Variants in GTPBP10 observed in about 807,000 individuals in gnomAD.
GTPBP10 encodes GTP-binding protein 10.
A neutral mutation model predicts 44.8 loss-of-function variants in GTPBP10; 38 were observed. That is an observed-to-expected ratio of 0.85 (90% CI 0.65 to 1.11). The LOEUF is 1.11. Among genes scored for constraint, GTPBP10 ranks in the 50% most tolerant of loss-of-function variants. The pLI is 0.00. For synonymous variants in GTPBP10, 152 were observed against 150.6 expected, an observed-to-expected ratio of 1.01 and a Z score of -0.07; for missense variants, 462 against 453.7, an observed-to-expected ratio of 1.02 and a Z score of -0.17.
intron 3 of GTPBP10, 27 bp downstream of exon 3, chr7:90,354,576 G>T (rs191107651): frequency 8.5e-7 from 1 of 1,173,076 alleles, no homozygotes; most frequent in Admixed American, 2.6e-5. Context: ...TCCAAAAGTT[G>T]TAAAAATGTG....
At chr7:90,355,252 AT>A in intron 4 of GTPBP10, 22 bp downstream of exon 4, 1 of 1,414,606 alleles carries the variant, frequency 7.1e-7, no homozygotes, top group Non-Finnish European at 9.5e-7. Flanking sequence ...TCATATTTTT[AT>A]TATTATACTT....
At chr7:90,363,741 G>C (rs1796075105) in intron 4 of GTPBP10, among the ~76,000 whole-genome samples, 1 of 152,152 alleles carries the variant, frequency 6.6e-6, no homozygotes, top group African/African-American at 2.4e-5. Context: ...TTCTGACTTG[G>C]TTCCATTCTC....
In GTPBP10 at chr7:90,389,142, T is replaced by C. The variant is rs1796573746; in HGVS notation, c.*3988T>C. On this transcript the variant is annotated 3_prime_UTR_variant, in exon 10 of 10. Transcript: ENST00000222511. Reference sequence around the variant, plus strand: ...GTATCTCAAATCTGGTTTAAATCTGTCTCTCCTTAACGGAATAGAAAGTGA... The same window carrying C: ...GTATCTCAAATCTGGTTTAAATCTGCCTCTCCTTAACGGAATAGAAAGTGA... 6.6e-6 allele frequency: 1 copy of C among 152,192 alleles called. No homozygotes were observed. Among genetic ancestry groups the C allele is most frequent in the East Asian group, 1.9e-4 (1 of 5,200 alleles). 9.4% of individuals were successfully genotyped at this position (152,192 alleles called of 1,614,324 possible).
intron 4 of GTPBP10, among the ~76,000 whole-genome samples, chr7:90,369,637 G>A (rs1310240991): frequency 6.6e-6 from 1 of 152,214 alleles, no homozygotes; most frequent in Admixed American, 6.5e-5. Flanking sequence ...GGCACGGGAG[G>A]ATATTTCCTG....
intron 4 of GTPBP10, among the ~76,000 whole-genome samples, chr7:90,365,569 G>T (rs1457628459): frequency 1.3e-5 from 2 of 151,246 alleles, no homozygotes; most frequent in Non-Finnish European, 2.9e-5. Flanking sequence ...GTAGAGACGG[G>T]GTTTCACCGT....
At chr7:90,359,385 T>C (rs1208428377) in intron 4 of GTPBP10, among the ~76,000 whole-genome samples, 1 of 151,964 alleles carries the variant, frequency 6.6e-6, no homozygotes, top group Non-Finnish European at 1.5e-5. Flanking sequence ...AGTGAGAACA[T>C]GCAATGTTTG....
rs1366163764 is a variant in GTPBP10 at position 90,372,138 on chromosome 7, T to C, written c.465-17T>C. The C allele has an allele frequency of 6.5e-7, 1 of 1,529,540 alleles. No homozygotes were observed. Among genetic ancestry groups the C allele is most frequent in the Non-Finnish European group, 9.0e-7 (1 of 1,108,108 alleles). The allele number at this position is 1,529,540 out of a possible 1,614,324, so 94.7% of individuals were successfully genotyped here. A position where few individuals can be genotyped will look rare whatever the true frequency, so the allele number is the denominator to read the frequency against. ...ATAATATTGACATTTGTGTATAATT[T>C]TATATTCTTGTTTCAGATTCCCAAA... is the stretch of plus-strand genomic sequence containing the variant. On this transcript the variant is annotated splice_polypyrimidine_tract_variant and intron_variant, in intron 4 of 9. Transcript: ENST00000222511.
At chr7:90,349,136 A>T (rs1295685079) in intron 1 of GTPBP10, among the ~76,000 whole-genome samples, 1 of 152,190 alleles carries the variant, frequency 6.6e-6, no homozygotes, top group Non-Finnish European at 1.5e-5. Flanking sequence ...CAACACCTGG[A>T]CAAAGTTTTC....
intron 1 of GTPBP10, among the ~76,000 whole-genome samples, chr7:90,351,064 CATG>C (rs1795781140): frequency 6.6e-6 from 1 of 152,322 alleles, no homozygotes; most frequent in South Asian, 2.1e-4. Context: ...ATTAGCATCA[CATG>C]GCCTTTTAAG....
intron 1 of GTPBP10, chr7:90,347,527 TA>T: frequency 1.8e-6 from 1 of 569,102 alleles, no homozygotes; most frequent in Non-Finnish European, 2.2e-6. Context: ...TTGTTTTTTA[TA>T]ATAGCTATCC....
At chr7:90,346,842 T>C (rs1401122657) in intron 1 of GTPBP10, 68 bp downstream of exon 1, 21 of 1,528,168 alleles carry the variant, frequency 1.4e-5, no homozygotes, top group Non-Finnish European at 1.9e-5. Context: ...TGCTCCCCTG[T>C]CTCTCCACTA....
chr7:90,381,582 CA>C (rs1273652385), intron 8 of GTPBP10, among the ~76,000 whole-genome samples: 1 of 152,110 alleles, frequency 6.6e-6, no homozygotes, highest in Non-Finnish European at 1.5e-5. Context: ...TATGGAACAT[CA>C]AAAGACCCTG....
chr7:90,384,073 C>A (rs559085424), intron 9 of GTPBP10, among the ~76,000 whole-genome samples: 2 of 152,264 alleles, frequency 1.3e-5, no homozygotes, highest in African/African-American at 4.8e-5. Flanking sequence ...AGGGAATTTT[C>A]AGAGGAAATA....
At chr7:90,357,093 A>G (rs1341938518) in intron 4 of GTPBP10, among the ~76,000 whole-genome samples, 1 of 152,220 alleles carries the variant, frequency 6.6e-6, no homozygotes, top group Non-Finnish European at 1.5e-5. Flanking sequence ...ACTGAATCAC[A>G]GAAGAAAGTT....
rs1287898674 is a variant in GTPBP10, at chr7:90,377,606, C to T, written c.691C>T (p.Leu231Phe). 5 of 1,594,594 alleles carry T rather than the reference C, an allele frequency of 3.1e-6. No individual in the cohort carries two copies. The Admixed American group carries it at 8.4e-5, about 27-fold the overall frequency. Residue 231 changes from leucine (L) to phenylalanine (F), a missense_variant, in exon 7 of 10, where the codon CTT becomes TTT. Coordinates refer to ENST00000222511, the MANE Select transcript of GTPBP10 (RefSeq NM_033107.4). ...LKHIERTRQL[L>F]FVVDISGFQL... ...GCATATAGAAAGAACTAGACAACTACTTTTTGTTGTAAGTCATATGTATAC... is the reference window on the plus strand; with the variant it reads ...GCATATAGAAAGAACTAGACAACTATTTTTTGTTGTAAGTCATATGTATAC...
At chr7:90,363,713 A>G (rs1230790061) in intron 4 of GTPBP10, among the ~76,000 whole-genome samples, 1 of 152,298 alleles carries the variant, frequency 6.6e-6, no homozygotes, top group South Asian at 2.1e-4. Context: ...TCTCCTGGAT[A>G]ATATCCTGCA....
At chr7:90,367,915 G>A (rs1343555429) in intron 4 of GTPBP10, among the ~76,000 whole-genome samples, 1 of 152,188 alleles carries the variant, frequency 6.6e-6, no homozygotes, top group African/African-American at 2.4e-5. Context: ...GCAGTGTCTG[G>A]TGCTAGTTGT....
chr7:90,347,607 T>C lies in GTPBP10; in HGVS notation c.33+833T>C, dbSNP rs1465755541. 2.6e-5 allele frequency: 10 copies of C among 379,850 alleles called. No individual in the cohort carries two copies. In the South Asian group the frequency reaches 9.9e-4, roughly 37 times the overall value. 23.5% of individuals were successfully genotyped at this position (379,850 alleles called of 1,614,324 possible). A position where few individuals can be genotyped will look rare whatever the true frequency, so the allele number is the denominator to read the frequency against. On this transcript the variant is annotated intron_variant, in intron 1 of 9. Transcript: ENST00000222511. Reference sequence around the variant, plus strand: ...TTAAGTTATTTTGATTTTAATAGCCTAAGAGGTTAATACGTAAGTCCTTTA... The same window carrying C: ...TTAAGTTATTTTGATTTTAATAGCCCAAGAGGTTAATACGTAAGTCCTTTA...
At chr7:90,374,611 G>C (rs1249246048) in intron 6 of GTPBP10, among the ~76,000 whole-genome samples, 2 of 151,916 alleles carry the variant, frequency 1.3e-5, no homozygotes, top group Non-Finnish European at 2.9e-5. Context: ...TCTTCTTATT[G>C]CAAGTCTTTC....
Sources: allele counts gnomAD v4.1 joint callset (sites outside exome capture counted in the v4.1 genomes callset), GRCh38; gene constraint gnomAD v4.1.1; transcripts MANE v1.5; gene names NCBI Gene and HGNC (gene_info 2026-07-23, HGNC 2026-07-21).